The following SWT1 variants were observed in gnomAD, a reference collection of about 807,000 sequenced individuals.
SWT1 encodes the protein SWT1 RNA endoribonuclease homolog.
A neutral mutation model predicts 107.3 loss-of-function variants in SWT1; 33 were observed. The observed-to-expected ratio is 0.31, with a 90% CI of 0.23 to 0.41. The LOEUF (loss-of-function observed/expected upper bound fraction) is 0.41, where lower values mean the gene tolerates loss of function less well. Among genes scored for constraint, SWT1 ranks in the 10% least tolerant of loss-of-function variants. The probability of loss-of-function intolerance (pLI) is 1.00; values close to 1 mark genes in which losing one functional copy is unlikely to be tolerated. For missense variants in SWT1, 898 were observed against 1,028.9 expected (o/e 0.87, Z 1.74); for synonymous variants, 345 against 348.3 (o/e 0.99, Z 0.11).
chr1:185,196,384 T>C (rs1004413428), intron 10 of SWT1, among the ~76,000 whole-genome samples: 6 of 152,232 alleles, frequency 3.9e-5, no homozygotes, highest in Middle Eastern at 3.2e-3. Context: ...TTTTTGTTAC[T>C]GTGGCCTTGT....
chr1:185,198,198 C>T (rs1002575368), intron 10 of SWT1, among the ~76,000 whole-genome samples: 4 of 152,110 alleles, frequency 2.6e-5, no homozygotes, highest in African/African-American at 4.8e-5. Context: ...GTTATTTACT[C>T]GGTAGTCATT....
At chr1:185,259,161 A>G (rs1662842892) in intron 16 of SWT1, among the ~76,000 whole-genome samples, 1 of 151,604 alleles carries the variant, frequency 6.6e-6, no homozygotes, top group South Asian at 2.1e-4. Context: ...TTTTACCTCA[A>G]CTCCCTGTTC....
In SWT1 at chr1:185,290,873, A is replaced by G. The variant is rs113797962; in HGVS notation, c.*70A>G. On this transcript the variant is annotated 3_prime_UTR_variant, in exon 19 of 19. Transcript: ENST00000367500. ...TAACAGAGTAGTTTTCAATCTGGTC[A>G]CTCTTTTGGGCCAAACCCAAGAGAA... The G allele has an allele frequency of 2.0e-4, 272 of 1,389,256 alleles. 1 individual carries two copies. In the African/African-American group the frequency reaches 3.5e-3, roughly 18 times the overall value. 86.1% of individuals were successfully genotyped at this position (1,389,256 alleles called of 1,614,324 possible). A position where few individuals can be genotyped will look rare whatever the true frequency, so the allele number is the denominator to read the frequency against.
chr1:185,164,779 T>C (rs566118168), intron 2 of SWT1, among the ~76,000 whole-genome samples: 2 of 152,324 alleles, frequency 1.3e-5, no homozygotes, highest in Admixed American at 6.5e-5. Context: ...TGATTTTCTA[T>C]CCAAACCACT....
chr1:185,252,901 T>C (rs1662153663), intron 16 of SWT1, among the ~76,000 whole-genome samples: 2 of 146,482 alleles, frequency 1.4e-5, no homozygotes, highest in South Asian at 4.4e-4. Context: ...TCTTCTAGGG[T>C]TTTTATGGTT....
At chr1:185,160,948 C>G (rs1654093474) in intron 2 of SWT1, 23 bp downstream of exon 2, 1 of 1,517,222 alleles carries the variant, frequency 6.6e-7, no homozygotes, top group South Asian at 1.2e-5. Context: ...ATTTACTGAC[C>G]TAGAGATACA....
intron 16 of SWT1, among the ~76,000 whole-genome samples, chr1:185,256,616 T>C (rs1338464128): frequency 2.1e-5 from 3 of 145,364 alleles, no homozygotes; most frequent in African/African-American, 5.2e-5. Flanking sequence ...TCTCGAGCCT[T>C]GGTTTTCAGC....
chr1:185,280,316 T>C (rs1410706607), intron 18 of SWT1, among the ~76,000 whole-genome samples: 1 of 152,206 alleles, frequency 6.6e-6, no homozygotes, highest in Non-Finnish European at 1.5e-5. Context: ...CAGCTAAACC[T>C]CTTTCCTTTA....
chr1:185,271,846 C>T (rs1663891226), intron 17 of SWT1, among the ~76,000 whole-genome samples: 1 of 152,166 alleles, frequency 6.6e-6, no homozygotes, highest in African/African-American at 2.4e-5. Context: ...TCCCCTCCTC[C>T]CTGCCAGTGA....
intron 15 of SWT1, among the ~76,000 whole-genome samples, chr1:185,226,563 C>T (rs1369334262): frequency 6.6e-6 from 1 of 152,136 alleles, no homozygotes; most frequent in Non-Finnish European, 1.5e-5. Context: ...CAACAAGACC[C>T]TCTCTTTAAA....
chr1:185,229,799 G>T (rs1332473896), intron 15 of SWT1, among the ~76,000 whole-genome samples: 1 of 151,880 alleles, frequency 6.6e-6, no homozygotes, highest in East Asian at 1.9e-4. Flanking sequence ...TTTTTTAAAT[G>T]TAAATATTTT....
intron 6 of SWT1, among the ~76,000 whole-genome samples, chr1:185,180,788 CT>C (rs1256250250): frequency 1.3e-5 from 2 of 152,150 alleles, no homozygotes; most frequent in African/African-American, 4.8e-5. Context: ...CATGTTTTTA[CT>C]TCATTTTAAA....
At chr1:185,167,058 C>T (rs764820531) in intron 3 of SWT1, among the ~76,000 whole-genome samples, 16 of 152,122 alleles carry the variant, frequency 1.1e-4, no homozygotes, top group Admixed American at 3.9e-4. Context: ...CAGGCGTGCA[C>T]CACCAGGCTC....
intron 1 of SWT1, among the ~76,000 whole-genome samples, chr1:185,158,080 G>C (rs1437327471): frequency 6.6e-6 from 1 of 152,158 alleles, no homozygotes; most frequent in African/African-American, 2.4e-5. Flanking sequence ...TTAGTCTCAA[G>C]AACAAGACGC....
intron 14 of SWT1, among the ~76,000 whole-genome samples, chr1:185,220,894 C>T (rs1419467074): frequency 6.6e-6 from 1 of 152,204 alleles, no homozygotes; most frequent in Non-Finnish European, 1.5e-5. Flanking sequence ...GATTGTGGAA[C>T]ATCAAATAGT....
rs772807906 is a variant in SWT1 at position 185,290,577 on chromosome 1, TTTTA to T, written c.2574-93_2574-90del. 175 of 837,404 alleles carry T rather than the reference TTTTA, an allele frequency of 2.1e-4. 2 individuals are homozygous for T. Among genetic ancestry groups the T allele is most frequent in the South Asian group, 1.1e-3 (34 of 31,442 alleles). 51.9% of individuals were successfully genotyped at this position (837,404 alleles called of 1,614,324 possible). ...ATGTTATACATAATATATATATATT[TTTTA>T]TTTGTCAATTAAAATGTAAAATAAA... On this transcript the variant is annotated intron_variant, in intron 18 of 18. Transcript: ENST00000367500.
chr1:185,182,489 G>A (rs1656100078), intron 7 of SWT1, among the ~76,000 whole-genome samples: 1 of 151,876 alleles, frequency 6.6e-6, no homozygotes, highest in Non-Finnish European at 1.5e-5. Context: ...GCAGCATAGT[G>A]AGACCTCCTG....
chr1:185,162,181 T>C (rs1654205922), intron 2 of SWT1, among the ~76,000 whole-genome samples: 1 of 152,224 alleles, frequency 6.6e-6, no homozygotes, highest in Non-Finnish European at 1.5e-5. Flanking sequence ...TGTTTGCAAT[T>C]AACCCCTCAT....
At chr1:185,226,634 G>T (rs1012022783) in intron 15 of SWT1, among the ~76,000 whole-genome samples, 2 of 151,724 alleles carry the variant, frequency 1.3e-5, no homozygotes, top group African/African-American at 2.4e-5. Flanking sequence ...TACTTACAAG[G>T]AATTTAGTTA....
Sources: allele counts gnomAD v4.1 joint callset (sites outside exome capture counted in the v4.1 genomes callset), GRCh38; gene constraint gnomAD v4.1.1; transcripts MANE v1.5; gene names NCBI Gene and HGNC (gene_info 2026-07-23, HGNC 2026-07-21).